CIT: variants seen among roughly 807,000 people sequenced by gnomAD.
CIT encodes the protein citron Rho-interacting kinase.
A neutral mutation model predicts 272.7 loss-of-function variants in CIT; 79 were observed. That is an observed-to-expected ratio of 0.29 (90% CI 0.24 to 0.35). The LOEUF (loss-of-function observed/expected upper bound fraction) is 0.35, where lower values mean the gene tolerates loss of function less well. CIT is among the 10% of genes least tolerant of loss of function. The probability of loss-of-function intolerance (pLI) is 1.00; values close to 1 mark genes in which losing one functional copy is unlikely to be tolerated. For missense variants in CIT, 1,909 were observed against 2,618.3 expected, an observed-to-expected ratio of 0.73 and a Z score of 5.91; for synonymous variants, 948 against 995.6, an observed-to-expected ratio of 0.95 and a Z score of 0.90.
intron 28 of CIT, among the ~76,000 whole-genome samples, chr12:119,725,588 T>A (rs1283855274): frequency 6.6e-6 from 1 of 152,216 alleles, no homozygotes. Context: ...TGGTTTCAAC[T>A]GTCACTGAAA....
intron 7 of CIT, among the ~76,000 whole-genome samples, chr12:119,829,744 G>C (rs1347934918): frequency 1.3e-5 from 2 of 152,144 alleles, no homozygotes; most frequent in Non-Finnish European, 2.9e-5. Flanking sequence ...AAGTCACACA[G>C]CAGGTCCTAG....
At chr12:119,688,331 G>T in intron 47 of CIT, 76 bp from the exon 48 acceptor site, 3 of 1,401,032 alleles carry the variant, frequency 2.1e-6, no homozygotes, top group Non-Finnish European at 3.0e-6. Context: ...GATGCAAATG[G>T]GAATCTGCAG....
rs1435522357 is a variant in CIT, at chr12:119,721,369, A to G, written c.3672T>C (p.Asp1224=). Residue 1224 remains aspartate (D), a synonymous_variant, in exon 29 of 48, where the codon GAT becomes GAC. Transcript: ENST00000392521. ...TTTCTGTCTTCAGTAGATCAGCCCGATCTAGAGCTTCTTGCAGTCCTTGAG... is the reference window on the plus strand; with the variant it reads ...TTTCTGTCTTCAGTAGATCAGCCCGGTCTAGAGCTTCTTGCAGTCCTTGAG... The part of the protein sequence containing the change: ...RLTQGLQEAL[D]RADLLKTERS... The G allele has an allele frequency of 1.9e-6, 3 of 1,612,086 alleles. No individual in the cohort carries two copies. The Admixed American group carries it at 5.0e-5, about 27-fold the overall frequency.
chr12:119,708,971 T>C (rs1957015974), intron 39 of CIT, among the ~76,000 whole-genome samples: 1 of 152,142 alleles, frequency 6.6e-6, no homozygotes, highest in South Asian at 2.1e-4. Context: ...AAAACAGACT[T>C]GGACTATCCA....
intron 8 of CIT, among the ~76,000 whole-genome samples, chr12:119,824,836 C>A (rs1968035963): frequency 3.3e-5 from 5 of 152,136 alleles, no homozygotes; most frequent in Admixed American, 1.3e-4. Context: ...CACTCCGTTG[C>A]CCAGGCTGCT....
chr12:119,840,225 G>A lies in CIT; in HGVS notation c.517-5997C>T, dbSNP rs148628142. Among the ~76,000 whole-genome samples the A allele has an allele frequency of 5.3e-3, 812 of 152,316 alleles. 4 individuals carry two copies. The highest frequency in any genetic ancestry group is 9.3e-3 in the Non-Finnish European group (633 of 68,034). The stretch of plus-strand genomic sequence containing the variant: ...CCCAGCTACTCAGGAGGGTGAGGTG[G>A]GAGGACGGCTTGAGCCCAGGAGTTT... On this transcript the variant is annotated intron_variant, in intron 5 of 47. Transcript: ENST00000392521.
At chr12:119,752,306 G>GA (rs1960374100) in intron 22 of CIT, 59 bp from the exon 23 acceptor site, 4 of 1,462,748 alleles carry the variant, frequency 2.7e-6, no homozygotes, top group Admixed American at 4.4e-5. Context: ...GAACAAAAGA[G>GA]AAAGTGAAGA....
chr12:119,776,491 C>G, intron 14 of CIT, 83 bp from the exon 15 acceptor site: 1 of 1,257,386 alleles, frequency 8.0e-7, no homozygotes, highest in Non-Finnish European at 1.1e-6. Context: ...TCTCTGTGAC[C>G]AAGATAATAA....
chr12:119,771,580 G>A (rs1372376598), intron 17 of CIT, among the ~76,000 whole-genome samples: 2 of 152,192 alleles, frequency 1.3e-5, no homozygotes, highest in Non-Finnish European at 2.9e-5. Flanking sequence ...GCTCAGGGGT[G>A]CACCTGAGCA....
intron 5 of CIT, among the ~76,000 whole-genome samples, chr12:119,844,781 T>TC (rs1329074247): frequency 2.0e-5 from 3 of 152,136 alleles, no homozygotes; most frequent in Non-Finnish European, 4.4e-5. Flanking sequence ...TTGACCCAAG[T>TC]AGCAGTGTGC....
intron 24 of CIT, among the ~76,000 whole-genome samples, chr12:119,739,065 G>A (rs1473495044): frequency 1.3e-5 from 2 of 152,146 alleles, no homozygotes; most frequent in African/African-American, 2.4e-5. Context: ...GGCATGTTAG[G>A]GGTGAAGAAA....
chr12:119,761,975 C>T (rs971722203), intron 19 of CIT, among the ~76,000 whole-genome samples: 4 of 152,196 alleles, frequency 2.6e-5, no homozygotes, highest in African/African-American at 9.7e-5. Context: ...CACAACCCTA[C>T]GTTCCTCACC....
intron 10 of CIT, among the ~76,000 whole-genome samples, chr12:119,793,985 A>C (rs1965524713): frequency 6.6e-6 from 1 of 152,210 alleles, no homozygotes; most frequent in Non-Finnish European, 1.5e-5. Context: ...AGAGCTGCTC[A>C]GTGTGGGCTT....
Position 119,713,847 on chromosome 12 carries a change from C to A in CIT, c.4307-199G>T. Reference sequence around the variant, plus strand: ...AAACAAAAGTGCCAAGTGCTCTTGACCCAGTTTTCCAGGCTTCAATCCAGA... The same window carrying A: ...AAACAAAAGTGCCAAGTGCTCTTGAACCAGTTTTCCAGGCTTCAATCCAGA... On this transcript the variant is annotated intron_variant, in intron 33 of 47. Coordinates refer to ENST00000392521, the MANE Select transcript of CIT (RefSeq NM_001206999.2). The surrounding 1 kb of genome is among the most constrained non-coding windows in gnomAD (Gnocchi z 5.2). 1 of 633,410 alleles carries A rather than the reference C, an allele frequency of 1.6e-6. No individual in the cohort carries two copies. Among genetic ancestry groups the A allele is most frequent in the Non-Finnish European group, 2.7e-6 (1 of 364,708 alleles). The allele number at this position is 633,410 out of a possible 1,614,324, so 39.2% of individuals were successfully genotyped here. A position where few individuals can be genotyped will look rare whatever the true frequency, so the allele number is the denominator to read the frequency against.
chr12:119,874,467 A>G (rs545077223), intron 2 of CIT, among the ~76,000 whole-genome samples: 1 of 152,292 alleles, frequency 6.6e-6, no homozygotes, highest in East Asian at 1.9e-4. Context: ...CATGGTCTCT[A>G]TTGTCCCCCT....
At chr12:119,698,463 A>G (rs777795605) in intron 44 of CIT, among the ~76,000 whole-genome samples, 21 of 151,928 alleles carry the variant, frequency 1.4e-4, no homozygotes, top group Non-Finnish European at 2.1e-4. Context: ...GGTGGTGTAC[A>G]CCTGTAATCC....
chr12:119,717,838 C>CTTTTTTTTTGTTTTTTTTTT (rs1957601745), intron 32 of CIT, among the ~76,000 whole-genome samples: 1 of 81,330 alleles, frequency 1.2e-5, no homozygotes, highest in Non-Finnish European at 2.3e-5. Context: ...TGACTTCTTT[C>CTTTTTTTTTGTTTTTTTTTT]TTTTTTTTTT....
chr12:119,761,146 G>A lies in CIT; in HGVS notation c.2305-91C>T, dbSNP rs965920995. The A allele has an allele frequency of 5.9e-6, 6 of 1,023,442 alleles. No individual in the cohort carries two copies. In the South Asian group the frequency reaches 7.8e-5, roughly 13 times the overall value. The allele number at this position is 1,023,442 out of a possible 1,614,324, so 63.4% of individuals were successfully genotyped here. On this transcript the variant is annotated intron_variant, in intron 19 of 47. Transcript: ENST00000392521. ...GACACTTGAGAAAATCTAGGAAAGA[G>A]GAGAAAAGCAGGGGAGAGGCCCGAG...
At chr12:119,747,060 A>G (rs971121051) in intron 23 of CIT, among the ~76,000 whole-genome samples, 1 of 152,218 alleles carries the variant, frequency 6.6e-6, no homozygotes, top group African/African-American at 2.4e-5. Flanking sequence ...CTACACTCTT[A>G]AAAATTACTG....
Sources: allele counts gnomAD v4.1 joint callset (sites outside exome capture counted in the v4.1 genomes callset), GRCh38; gene constraint gnomAD v4.1.1; non-coding constraint Gnocchi (gnomAD v3.1); transcripts MANE v1.5; gene names NCBI Gene and HGNC (gene_info 2026-07-23, HGNC 2026-07-21).